The following TULP4 variants were observed in gnomAD, a reference collection of about 807,000 sequenced individuals.
TULP4 encodes tubby-related protein 4.
In TULP4, 16 loss-of-function variants were observed where a neutral mutation model predicts 129.0. The observed-to-expected ratio is 0.12, with a 90% CI of 0.08 to 0.19. The LOEUF is 0.19. TULP4 is among the 10% of genes least tolerant of loss of function. The probability of loss-of-function intolerance (pLI) is 1.00; values close to 1 mark genes in which losing one functional copy is unlikely to be tolerated. For missense variants in TULP4, 1,842 were observed against 2,059.1 expected, an observed-to-expected ratio of 0.89 and a Z score of 2.04; for synonymous variants, 998 against 854.0, an observed-to-expected ratio of 1.17 and a Z score of -2.94.
chr6:158,330,634 A>C (rs553214629), intron 1 of TULP4, among the ~76,000 whole-genome samples: 12 of 152,340 alleles, frequency 7.9e-5, no homozygotes, highest in African/African-American at 2.9e-4. Flanking sequence ...TTAGTTATCA[A>C]CTTCAGGAAA....
chr6:158,394,849 A>G (rs937098678), intron 1 of TULP4, among the ~76,000 whole-genome samples: 1 of 150,514 alleles, frequency 6.6e-6, no homozygotes, highest in Non-Finnish European at 1.5e-5. Flanking sequence ...TATGAAGAAA[A>G]GAGATTTAAT....
At chr6:158,335,800 A>G (rs6455580) in intron 1 of TULP4, among the ~76,000 whole-genome samples, 131,076 of 152,236 alleles carry the variant, frequency 0.86, 56,869 homozygotes, top group South Asian at 0.93. Context: ...GCCATTATGT[A>G]TACACATATA....
At chr6:158,360,521 GA>G (rs1427619197) in intron 1 of TULP4, among the ~76,000 whole-genome samples, 2 of 152,142 alleles carry the variant, frequency 1.3e-5, no homozygotes, top group African/African-American at 4.8e-5. Context: ...ACCATTGTTG[GA>G]AGGCAATGGC....
chr6:158,377,485 C>T (rs1046000498), intron 1 of TULP4, among the ~76,000 whole-genome samples: 1 of 152,196 alleles, frequency 6.6e-6, no homozygotes, highest in African/African-American at 2.4e-5. Context: ...TTGTGTAATG[C>T]AATGCATTAA....
At chr6:158,243,995 T>G (rs1198488773) in intron 1 of TULP4, among the ~76,000 whole-genome samples, 2 of 152,178 alleles carry the variant, frequency 1.3e-5, no homozygotes, top group East Asian at 1.9e-4. Context: ...TTCAAAGTTA[T>G]GATTTGGTCC....
intron 1 of TULP4, among the ~76,000 whole-genome samples, chr6:158,334,841 G>A (rs1319049339): frequency 6.6e-6 from 1 of 152,192 alleles, no homozygotes; most frequent in African/African-American, 2.4e-5. Flanking sequence ...GCTTGAGGAA[G>A]GGCTTTATTT....
intron 1 of TULP4, among the ~76,000 whole-genome samples, chr6:158,369,296 C>T (rs1009022266): frequency 6.6e-6 from 1 of 151,892 alleles, no homozygotes; most frequent in Admixed American, 6.6e-5. Context: ...GAGTTTGAGA[C>T]CAGACTAGGC....
chr6:158,387,575 A>G (rs1777477691), intron 1 of TULP4, among the ~76,000 whole-genome samples: 1 of 152,228 alleles, frequency 6.6e-6, no homozygotes, highest in Non-Finnish European at 1.5e-5. Flanking sequence ...TGTGTTTTCC[A>G]TCATCCAAGG....
At chr6:158,495,540 A>G (rs1780317644) in intron 11 of TULP4, among the ~76,000 whole-genome samples, 1 of 152,216 alleles carries the variant, frequency 6.6e-6, no homozygotes, top group Non-Finnish European at 1.5e-5. Context: ...AAAGCATTAG[A>G]GACTATAAGT....
chr6:158,430,046 A>AT, intron 3 of TULP4, 149 bp downstream of exon 3: 1 of 736,014 alleles, frequency 1.4e-6, no homozygotes, highest in East Asian at 3.0e-5. Context: ...AAAAATTAAA[A>AT]TAAAAATTCT....
At chr6:158,279,599 A>G (rs1330291477), upstream of TULP4, among the ~76,000 whole-genome samples, 8 of 152,316 alleles carry the variant, frequency 5.3e-5, no homozygotes, top group South Asian at 1.0e-3. Flanking sequence ...AAATTACTTC[A>G]TCTGTGTTTA....
chr6:158,232,952 C>G (rs1403871167), intron 1 of TULP4, among the ~76,000 whole-genome samples: 1 of 152,246 alleles, frequency 6.6e-6, no homozygotes, highest in African/African-American at 2.4e-5. Context: ...TGGCAAATCA[C>G]GGAGATTCTG....
At chr6:158,378,307 C>A (rs1349205000) in intron 1 of TULP4, among the ~76,000 whole-genome samples, 4 of 151,966 alleles carry the variant, frequency 2.6e-5, no homozygotes, top group Non-Finnish European at 4.4e-5. Flanking sequence ...GAATTGTGAC[C>A]ATTTTTGCAA....
intron 5 of TULP4, among the ~76,000 whole-genome samples, chr6:158,452,804 A>G (rs1779193100): frequency 6.6e-6 from 1 of 152,216 alleles, no homozygotes; most frequent in Admixed American, 6.5e-5. Flanking sequence ...TACCTTCCTG[A>G]TAGATATTAT....
intron 12 of TULP4, 119 bp downstream of exon 12, chr6:158,498,931 C>A: frequency 1.6e-6 from 2 of 1,256,744 alleles, no homozygotes; most frequent in Non-Finnish European, 2.3e-6. Context: ...GAAAAGGTAT[C>A]CCTGCCTCAG....
intron 1 of TULP4, among the ~76,000 whole-genome samples, chr6:158,254,541 G>T (rs1263066041): frequency 6.6e-6 from 1 of 152,162 alleles, no homozygotes; most frequent in East Asian, 1.9e-4. Flanking sequence ...GAGTTTTTTT[G>T]AATGGTTTGT....
upstream of TULP4, among the ~76,000 whole-genome samples, chr6:158,309,760 G>A (rs952364178): frequency 4.6e-5 from 7 of 152,060 alleles, no homozygotes; most frequent in Middle Eastern, 3.4e-3. Context: ...GCGTGGCGGC[G>A]CGCCTGCAAT....
intron 2 of TULP4, among the ~76,000 whole-genome samples, chr6:158,414,772 C>A (rs1337454509): frequency 6.6e-6 from 1 of 152,178 alleles, no homozygotes; most frequent in East Asian, 1.9e-4. Context: ...GAAATCACTG[C>A]TCAGAAAAGG....
chr6:158,277,913 G>T (rs1469948327), upstream of TULP4, among the ~76,000 whole-genome samples: 4 of 152,146 alleles, frequency 2.6e-5, no homozygotes, highest in African/African-American at 9.7e-5. Flanking sequence ...TTGGCTTGAG[G>T]CAACTCTGTT....
Sources: gnomAD v4.1 joint callset for allele counts (sites outside exome capture counted in the v4.1 genomes callset) on GRCh38, gnomAD v4.1.1 for gene constraint, MANE v1.5 for transcripts, NCBI Gene and HGNC (gene_info 2026-07-23, HGNC 2026-07-21) for gene names.